PTP4A3: variants seen among roughly 807,000 people sequenced by gnomAD.
PTP4A3 encodes protein tyrosine phosphatase 4A3.
A neutral mutation model predicts 15.2 loss-of-function variants in PTP4A3; 9 were observed. That is an observed-to-expected ratio of 0.59 (90% confidence interval 0.36 to 1.03). The LOEUF is 1.03. Ranked by LOEUF, PTP4A3 falls within the 50% of genes least tolerant of loss-of-function variation. The probability of loss-of-function intolerance (pLI) is 0.02; values close to 1 mark genes in which losing one functional copy is unlikely to be tolerated. For synonymous variants in PTP4A3, 95 were observed against 102.0 expected (o/e 0.93, Z 0.41); for missense variants, 234 against 252.1 (o/e 0.93, Z 0.49).
intron 1 of PTP4A3, among the ~76,000 whole-genome samples, chr8:141,408,550 G>A (rs1310108284): frequency 6.6e-6 from 1 of 151,944 alleles, no homozygotes; most frequent in African/African-American, 2.4e-5. Context: ...ACCCGGGGGC[G>A]GAGGTTGCAG....
intron 5 of PTP4A3, among the ~76,000 whole-genome samples, chr8:141,429,591 G>A (rs1438838503): frequency 1.3e-5 from 2 of 151,654 alleles, no homozygotes; most frequent in Non-Finnish European, 2.9e-5. Flanking sequence ...ACCCGGTGGC[G>A]GGGACAGGGT....
chr8:141,423,000 G>C (rs1246788821), intron 2 of PTP4A3, among the ~76,000 whole-genome samples: 2 of 152,232 alleles, frequency 1.3e-5, no homozygotes, highest in Non-Finnish European at 2.9e-5. Context: ...CTGTTTGCAG[G>C]CCTGGGGCCG....
chr8:141,425,193 G>T lies in PTP4A3; in HGVS notation c.198+53G>T. ...TCACTGCTGCCACCGGGGGAGGGTG[G>T]GGCGGGGGGCTCCGGGCCTGCGCAG... On this transcript the variant is annotated intron_variant, in intron 3 of 5. Transcript: ENST00000521578. The surrounding 1 kb of genome is among the most constrained non-coding windows in gnomAD (Gnocchi z 4.2). The T allele has an allele frequency of 3.5e-6, 5 of 1,437,406 alleles. No homozygotes were observed. Among genetic ancestry groups the T allele is most frequent in the South Asian group, 2.3e-5 (2 of 85,538 alleles). The allele number at this position is 1,437,406 out of a possible 1,614,324, so 89.0% of individuals were successfully genotyped here.
At chr8:141,409,861 CG>C (rs1210618817) in intron 1 of PTP4A3, among the ~76,000 whole-genome samples, 2 of 152,374 alleles carry the variant, frequency 1.3e-5, no homozygotes, top group Middle Eastern at 3.4e-3. Context: ...GGGTGCCCAG[CG>C]GTGCCTGCGG....
At chr8:141,423,277 G>A (rs1308363577) in intron 2 of PTP4A3, among the ~76,000 whole-genome samples, 1 of 152,242 alleles carries the variant, frequency 6.6e-6, no homozygotes, top group East Asian at 1.9e-4. Context: ...ACAGAAGATG[G>A]CTGTCCCTCT....
chr8:141,411,874 A>G (rs755442749), intron 1 of PTP4A3, among the ~76,000 whole-genome samples: 15 of 152,182 alleles, frequency 9.9e-5, no homozygotes, highest in Non-Finnish European at 1.5e-4. Flanking sequence ...AAATGCAGAG[A>G]AAGTGCCCAC....
intron 1 of PTP4A3, among the ~76,000 whole-genome samples, chr8:141,418,012 G>A (rs1472259176): frequency 1.3e-5 from 2 of 151,978 alleles, no homozygotes; most frequent in Non-Finnish European, 2.9e-5. Context: ...GGACGCCTGC[G>A]GCGCGGGTGA....
chr8:141,412,054 C>T (rs1214518236), intron 1 of PTP4A3, among the ~76,000 whole-genome samples: 1 of 152,236 alleles, frequency 6.6e-6, no homozygotes, highest in African/African-American at 2.4e-5. Flanking sequence ...GGCCACTACA[C>T]AGAGGGGTTC....
intron 1 of PTP4A3, among the ~76,000 whole-genome samples, chr8:141,397,474 C>T (rs1208187789): frequency 6.6e-6 from 1 of 152,262 alleles, no homozygotes; most frequent in Non-Finnish European, 1.5e-5. Context: ...CAGCTCCTAC[C>T]ACAAGTACAG....
chr8:141,399,219 CCACTCTGGCAT>C (rs1323828938), intron 1 of PTP4A3, among the ~76,000 whole-genome samples: 3 of 152,358 alleles, frequency 2.0e-5, no homozygotes, highest in Admixed American at 1.3e-4. Context: ...CCTGGCACCC[CCACTCTGGCAT>C]CTTCTACTGA....
chr8:141,426,585 G>C, intron 3 of PTP4A3: 1 of 985,468 alleles, frequency 1.0e-6, no homozygotes. Flanking sequence ...CCGGCACACA[G>C]GCGTGAGGGA....
In PTP4A3 at chr8:141,432,281, A is replaced by G. The variant is rs1050382274; in HGVS notation, c.*1237A>G. The G allele has an allele frequency of 1.3e-5, 2 of 152,168 alleles. No homozygotes were observed. Among genetic ancestry groups the G allele is most frequent in the Non-Finnish European group, 2.9e-5 (2 of 68,058 alleles). The allele number at this position is 152,168 out of a possible 1,614,324, so 9.4% of individuals were successfully genotyped here. ...AAGATGGGGAGATGTGGAAACCCCA[A>G]AAGCCCCTTCTCAGGCAGCCCTGCC... On this transcript the variant is annotated 3_prime_UTR_variant, in exon 6 of 6. Transcript: ENST00000521578.
intron 1 of PTP4A3, among the ~76,000 whole-genome samples, chr8:141,413,731 C>T (rs893214221): frequency 2.0e-5 from 3 of 152,220 alleles, no homozygotes; most frequent in African/African-American, 2.4e-5. Context: ...TTTGGAAACA[C>T]TCAGGAGTCC....
At position 141,392,054 on chromosome 8, in the gene PTP4A3, C is replaced by T. The variant is rs1186430468; in HGVS notation, c.-884C>T. ...GGGCGCGCGCGTCCCGAGCCCTCCA[C>T]CCGTCGTGCCGGCGCCGCCCGGACC... On this transcript the variant is annotated 5_prime_UTR_variant, in exon 1 of 6. Coordinates refer to ENST00000521578, the MANE Select transcript of PTP4A3 (RefSeq NM_032611.3). 3.4e-5 allele frequency: 5 copies of T among 146,980 alleles called. No individual in the cohort carries two copies. Among genetic ancestry groups the T allele is most frequent in the Admixed American group, 6.8e-5 (1 of 14,792 alleles). The allele number at this position is 146,980 out of a possible 1,614,324, so 9.1% of individuals were successfully genotyped here. A position where few individuals can be genotyped will look rare whatever the true frequency, so the allele number is the denominator to read the frequency against.
At position 141,426,316 on chromosome 8, in the gene PTP4A3, C is replaced by T. The variant is rs563693107; in HGVS notation, c.199-623C>T. On this transcript the variant is annotated intron_variant, in intron 3 of 5. Coordinates refer to ENST00000521578, the MANE Select transcript of PTP4A3 (RefSeq NM_032611.3). The stretch of plus-strand genomic sequence containing the variant: ...ACTCACGTTGCCCACCGATCTAGGG[C>T]GCTGGGGGACGGGACAGTGGGAAGC... 21 of 543,746 alleles carry T rather than the reference C, an allele frequency of 3.9e-5. No homozygotes were observed. The East Asian group carries it at 4.4e-4, about 12-fold the overall frequency. The allele number at this position is 543,746 out of a possible 1,614,324, so 33.7% of individuals were successfully genotyped here.
chr8:141,428,486 G>A (rs1003396817), intron 5 of PTP4A3, among the ~76,000 whole-genome samples: 1 of 152,336 alleles, frequency 6.6e-6, no homozygotes, highest in Admixed American at 6.5e-5. Flanking sequence ...CCCACCATGT[G>A]TGTGCCCGTG....
At chr8:141,408,246 G>A (rs1328987943) in intron 1 of PTP4A3, among the ~76,000 whole-genome samples, 1 of 152,180 alleles carries the variant, frequency 6.6e-6, no homozygotes, top group African/African-American at 2.4e-5. Context: ...GGGAGGGGGC[G>A]ATGGAAGTGT....
Position 141,425,174 on chromosome 8 carries a change from C to A in PTP4A3, c.198+34C>A, listed in dbSNP as rs201793000. ...CGCGCCACGGGGACCCTAGTCACTG[C>A]TGCCACCGGGGGAGGGTGGGGCGGG... On this transcript the variant is annotated intron_variant, in intron 3 of 5. Transcript: ENST00000521578. This position sits in a 1 kb window ranked among gnomAD's most constrained non-coding sequence, Gnocchi z 4.2. 2 of 946,410 alleles carry A rather than the reference C, an allele frequency of 2.1e-6. No individual in the cohort carries two copies. Among genetic ancestry groups the A allele is most frequent in the Non-Finnish European group, 3.2e-6 (2 of 623,178 alleles). 58.6% of individuals were successfully genotyped at this position (946,410 alleles called of 1,614,324 possible).
intron 4 of PTP4A3, 145 bp from the exon 5 acceptor site, chr8:141,427,605 A>G: frequency 1.5e-6 from 1 of 663,132 alleles, no homozygotes; most frequent in Non-Finnish European, 2.5e-6. Flanking sequence ...CTGGGCTGTG[A>G]GGCTGTGGCC....
Sources: allele counts gnomAD v4.1 joint callset (sites outside exome capture counted in the v4.1 genomes callset), GRCh38; gene constraint gnomAD v4.1.1; non-coding constraint Gnocchi (gnomAD v3.1); transcripts MANE v1.5; gene names NCBI Gene and HGNC (gene_info 2026-07-23, HGNC 2026-07-21).